The following GRM8 variants were observed in gnomAD, a reference collection of about 807,000 sequenced individuals.
The protein encoded by GRM8 is glutamate metabotropic receptor 8, also known as metabotropic glutamate receptor 8.
A neutral mutation model predicts 87.2 loss-of-function variants in GRM8; 47 were observed. The ratio of observed to expected loss-of-function variants is 0.54; its 90% CI spans 0.43 to 0.69. The LOEUF is 0.69. Among genes scored for constraint, GRM8 ranks in the 30% least tolerant of loss-of-function variants. GRM8 has a pLI of 0.00. For missense variants in GRM8, 1,019 were observed against 1,139.2 expected, an observed-to-expected ratio of 0.89 and a Z score of 1.52; for synonymous variants, 396 against 404.5, an observed-to-expected ratio of 0.98 and a Z score of 0.25.
intron 3 of GRM8, among the ~76,000 whole-genome samples, chr7:126,997,501 T>A (rs1029920942): frequency 6.6e-6 from 1 of 150,878 alleles, no homozygotes; most frequent in Non-Finnish European, 1.5e-5. Flanking sequence ...AGAAGTTTGT[T>A]TTTTTTAAAG....
intron 7 of GRM8, among the ~76,000 whole-genome samples, chr7:126,767,243 A>G (rs933504021): frequency 1.5e-4 from 23 of 152,132 alleles, no homozygotes; most frequent in African/African-American, 5.3e-4. Context: ...TATACATCTA[A>G]ATCAAGGATG....
intron 3 of GRM8, among the ~76,000 whole-genome samples, chr7:127,031,860 G>A (rs1817404808): frequency 6.6e-6 from 1 of 151,968 alleles, no homozygotes; most frequent in African/African-American, 2.4e-5. Flanking sequence ...CATTTCCAGG[G>A]CCAAATCTTC....
At chr7:126,571,652 G>C (rs10236114) in intron 8 of GRM8, among the ~76,000 whole-genome samples, 116,341 of 152,098 alleles carry the variant, frequency 0.76, 44,875 homozygotes, top group East Asian at 0.94. Flanking sequence ...GAATCCCTGG[G>C]CTGCCTTCCC....
intron 6 of GRM8, chr7:126,868,734 G>A (rs928422647): frequency 3.9e-5 from 6 of 152,170 alleles, no homozygotes; most frequent in African/African-American, 1.2e-4. Flanking sequence ...GTGCATACCT[G>A]AATTTAAAAA....
At chr7:126,869,546 G>A (rs933907268) in intron 6 of GRM8, 3 of 152,186 alleles carry the variant, frequency 2.0e-5, no homozygotes, top group African/African-American at 7.2e-5. Context: ...TCCATGGGTT[G>A]CAGAATGGAT....
chr7:126,605,893 T>A (rs960868346), intron 8 of GRM8, among the ~76,000 whole-genome samples: 1 of 152,180 alleles, frequency 6.6e-6, no homozygotes, highest in Non-Finnish European at 1.5e-5. Flanking sequence ...ACCTGCTCCA[T>A]TGCGCTAGAG....
At chr7:126,473,798 C>T (rs967390965) in intron 9 of GRM8, among the ~76,000 whole-genome samples, 5 of 151,990 alleles carry the variant, frequency 3.3e-5, no homozygotes, top group Non-Finnish European at 7.4e-5. Context: ...AGGTTTTTCC[C>T]ATCTGTTCTC....
intron 7 of GRM8, among the ~76,000 whole-genome samples, chr7:126,661,836 C>T (rs561071059): frequency 1.3e-5 from 2 of 152,240 alleles, no homozygotes; most frequent in South Asian, 4.1e-4. Context: ...AAAAAAGCTC[C>T]CTAACAACTT....
At chr7:126,731,981 T>A (rs1813647427) in intron 7 of GRM8, among the ~76,000 whole-genome samples, 1 of 152,032 alleles carries the variant, frequency 6.6e-6, no homozygotes, top group East Asian at 1.9e-4. Context: ...GGGTATAACA[T>A]CATTTGATAT....
At chr7:126,798,792 G>A (rs1382351725) in intron 6 of GRM8, among the ~76,000 whole-genome samples, 2 of 152,128 alleles carry the variant, frequency 1.3e-5, no homozygotes, top group African/African-American at 4.8e-5. Context: ...TTGCACAGGA[G>A]GTCAGAGAGC....
chr7:126,816,571 C>A (rs1793804130), intron 6 of GRM8, among the ~76,000 whole-genome samples: 1 of 151,930 alleles, frequency 6.6e-6, no homozygotes, highest in Non-Finnish European at 1.5e-5. Flanking sequence ...GTTTCCTCTT[C>A]TGAAAAATAA....
At chr7:126,610,978 C>T (rs982975023) in intron 7 of GRM8, among the ~76,000 whole-genome samples, 1 of 152,196 alleles carries the variant, frequency 6.6e-6, no homozygotes, top group South Asian at 2.1e-4. Flanking sequence ...ATTTCCACAA[C>T]TTGTGTATGT....
intron 7 of GRM8, among the ~76,000 whole-genome samples, chr7:126,740,405 T>C (rs1814816907): frequency 6.6e-6 from 1 of 152,068 alleles, no homozygotes. Flanking sequence ...AGACAGAAAA[T>C]AAGAACCTTT....
At chr7:126,925,333 C>A (rs1218023902) in intron 3 of GRM8, among the ~76,000 whole-genome samples, 2 of 152,154 alleles carry the variant, frequency 1.3e-5, no homozygotes, top group Non-Finnish European at 1.5e-5. Flanking sequence ...AAGCAGAATG[C>A]AGTACTAGAA....
intron 6 of GRM8, among the ~76,000 whole-genome samples, chr7:126,827,149 T>A (rs1273059367): frequency 1.3e-5 from 2 of 152,226 alleles, no homozygotes; most frequent in Non-Finnish European, 2.9e-5. Flanking sequence ...TCAGGTAGCG[T>A]GATGCCTTCA....
chr7:127,248,161 C>G (rs1798675449), intron 1 of GRM8, among the ~76,000 whole-genome samples: 1 of 152,102 alleles, frequency 6.6e-6, no homozygotes, highest in African/African-American at 2.4e-5. Flanking sequence ...TAATGAGAAG[C>G]TACTTTTTAT....
At chr7:126,753,234 A>G (rs1816624947) in intron 7 of GRM8, among the ~76,000 whole-genome samples, 1 of 151,992 alleles carries the variant, frequency 6.6e-6, no homozygotes, top group African/African-American at 2.4e-5. Flanking sequence ...GTTAAGTGGT[A>G]GAGCCAGGAT....
At position 126,569,826 on chromosome 7, in the gene GRM8, C is replaced by T. The variant is rs529488718; in HGVS notation, c.1495-35939G>A. ...TGAATACAGAAAGGCAAATTACAGG[C>T]ACCTAAGTCAATCCTAGGTCTGCCA... On this transcript the variant is annotated intron_variant, in intron 8 of 10. Coordinates refer to ENST00000339582, the MANE Select transcript of GRM8 (RefSeq NM_000845.3). Among the ~76,000 whole-genome samples, 5 of 152,326 alleles carry T rather than the reference C, an allele frequency of 3.3e-5. No individual in the cohort carries two copies. The East Asian group carries it at 9.6e-4, about 29-fold the overall frequency.
At chr7:127,109,886 C>T (rs1826188223) in intron 2 of GRM8, among the ~76,000 whole-genome samples, 1 of 152,180 alleles carries the variant, frequency 6.6e-6, no homozygotes, top group Non-Finnish European at 1.5e-5. Context: ...CCTGATCCTT[C>T]CCTATCCTGC....
Sources: gnomAD v4.1 joint callset for allele counts (sites outside exome capture counted in the v4.1 genomes callset) on GRCh38, gnomAD v4.1.1 for gene constraint, MANE v1.5 for transcripts, NCBI Gene and HGNC (gene_info 2026-07-23, HGNC 2026-07-21) for gene names.